The following KCNMA1 variants were observed in gnomAD, a reference collection of about 807,000 sequenced individuals.
KCNMA1 encodes the protein Calcium-activated potassium channel subunit alpha-1.
In KCNMA1, 29 loss-of-function variants were observed where a neutral mutation model predicts 140.0. That is an observed-to-expected ratio of 0.21 (90% CI 0.15 to 0.28). KCNMA1 has a LOEUF of 0.28. Ranked by LOEUF, KCNMA1 falls within the 10% of genes least tolerant of loss-of-function variation. The pLI is 1.00. For missense variants in KCNMA1, 880 were observed against 1,602.2 expected (o/e 0.55, Z 7.70); for synonymous variants, 612 against 611.9 (o/e 1.00, Z 0.00).
intron 20 of KCNMA1, among the ~76,000 whole-genome samples, chr10:76,954,789 T>G (rs1164645443): frequency 6.6e-6 from 1 of 152,204 alleles, no homozygotes; most frequent in African/African-American, 2.4e-5. Context: ...CCTTGTCTAT[T>G]GGTGGAAAAG....
At chr10:77,442,397 A>G (rs114460757) in intron 1 of KCNMA1, among the ~76,000 whole-genome samples, 148 of 151,970 alleles carry the variant, frequency 9.7e-4, no homozygotes, top group African/African-American at 3.6e-3. Flanking sequence ...TACTCCACAC[A>G]TAAGCACTCT....
chr10:77,180,009 G>A (rs1392274538), intron 5 of KCNMA1, among the ~76,000 whole-genome samples: 1 of 152,200 alleles, frequency 6.6e-6, no homozygotes, highest in Non-Finnish European at 1.5e-5. Flanking sequence ...ACACGGTGTG[G>A]GGAGCGTTCT....
chr10:77,535,796 A>C (rs1288888937), intron 1 of KCNMA1, among the ~76,000 whole-genome samples: 2 of 152,260 alleles, frequency 1.3e-5, no homozygotes, highest in Non-Finnish European at 2.9e-5. Context: ...AGGCACAGAA[A>C]GACAAATATG....
chr10:77,179,513 T>C (rs893514432), intron 5 of KCNMA1, among the ~76,000 whole-genome samples: 2 of 152,104 alleles, frequency 1.3e-5, no homozygotes, highest in African/African-American at 4.8e-5. Flanking sequence ...ATAAGATCTC[T>C]TCCCTCTCTT....
At position 77,404,003 on chromosome 10, in the gene KCNMA1, A is replaced by T. The variant is rs767525618; in HGVS notation, c.399T>A (p.Asn133Lys). 13 of 1,614,032 alleles carry T rather than the reference A, an allele frequency of 8.1e-6. No homozygotes were observed. Among genetic ancestry groups the T allele is most frequent in the Non-Finnish European group, 8.5e-6 (10 of 1,180,048 alleles). The change falls in exon 2 of 28, where the codon AAT becomes AAA. Residue 133 changes from asparagine to lysine, a missense_variant. By Grantham distance (94) the Asn-to-Lys change is moderately conservative. Around this residue, in one of 13 missense-constraint regions of KCNMA1, gnomAD observed 54 missense variants for 56.4 expected, o/e 0.96. Transcript: ENST00000286628. Reference sequence around the variant, plus strand: ...GAGTGCCATCCGCCTGGCTTGAGCCATTGTTAATCTTCTGGGCCTCCTGGC... The same window carrying T: ...GAGTGCCATCCGCCTGGCTTGAGCCTTTGTTAATCTTCTGGGCCTCCTGGC... ...GKTKEAQKIN[N>K]GSSQADGTLK... is the part of the protein sequence containing the mutation.
intron 1 of KCNMA1, among the ~76,000 whole-genome samples, chr10:77,598,513 G>A (rs191665947): frequency 8.5e-4 from 129 of 152,318 alleles, no homozygotes; most frequent in African/African-American, 2.7e-3. Context: ...CATGGCATCC[G>A]AGAGCCATCA....
chr10:77,573,156 T>A lies in KCNMA1; in HGVS notation c.378+64109A>T, dbSNP rs139822495. Among the ~76,000 whole-genome samples, 362 of 152,286 alleles carry A rather than the reference T, an allele frequency of 2.4e-3. 8 individuals carry two copies. In the South Asian group the frequency reaches 0.025, roughly 11 times the overall value. The stretch of plus-strand genomic sequence containing the variant: ...ATATCTTATATTTAAATCCATCAGC[T>A]TAAAAGTCCTTCCCACTAAGTCTCA... On this transcript the variant is annotated intron_variant, in intron 1 of 27. Coordinates refer to ENST00000286628, the MANE Select transcript of KCNMA1 (RefSeq NM_001161352.2).
At chr10:77,568,396 C>T (rs1039472393) in intron 1 of KCNMA1, among the ~76,000 whole-genome samples, 15 of 150,368 alleles carry the variant, frequency 1.0e-4, no homozygotes, top group South Asian at 4.2e-4. Context: ...ATGATCAAGT[C>T]GGCTTCATCC....
At chr10:76,974,021 T>C (rs1360913609) in intron 19 of KCNMA1, 2 of 152,870 alleles carry the variant, frequency 1.3e-5, no homozygotes, top group Non-Finnish European at 2.9e-5. Context: ...GTTTATTGGC[T>C]GGAGTTAAAA....
intron 1 of KCNMA1, among the ~76,000 whole-genome samples, chr10:77,414,227 G>A (rs1451043401): frequency 6.6e-6 from 1 of 152,140 alleles, no homozygotes; most frequent in African/African-American, 2.4e-5. Flanking sequence ...TACTTTGCAC[G>A]CACTGTCTCA....
At chr10:77,418,899 G>A (rs537570479) in intron 1 of KCNMA1, among the ~76,000 whole-genome samples, 8 of 152,162 alleles carry the variant, frequency 5.3e-5, no homozygotes, top group Admixed American at 6.5e-5. Flanking sequence ...AGGGGAAGTC[G>A]TTCTTCCCCT....
chr10:76,891,942 A>T (rs1589681219), intron 25 of KCNMA1, among the ~76,000 whole-genome samples: 1 of 152,142 alleles, frequency 6.6e-6, no homozygotes, highest in Admixed American at 6.5e-5. Flanking sequence ...TAAAAAACCC[A>T]GTTCAGGGGA....
chr10:77,404,785 T>C (rs980581767), intron 1 of KCNMA1, among the ~76,000 whole-genome samples: 1 of 152,296 alleles, frequency 6.6e-6, no homozygotes, highest in East Asian at 1.9e-4. Context: ...GGCTCCAACA[T>C]TGGAGTCCTT....
intron 15 of KCNMA1, among the ~76,000 whole-genome samples, chr10:77,033,446 T>TCA (rs1164580762): frequency 2.6e-5 from 4 of 151,460 alleles, no homozygotes; most frequent in South Asian, 2.1e-4. Flanking sequence ...TCTCTCTCTT[T>TCA]CACACACACA....
intron 1 of KCNMA1, among the ~76,000 whole-genome samples, chr10:77,611,736 T>A (rs1276823095): frequency 6.6e-6 from 1 of 152,158 alleles, no homozygotes; most frequent in East Asian, 1.9e-4. Context: ...TCCAATCCTA[T>A]GTCCCTGTAA....
chr10:77,484,734 C>A (rs977811575), intron 1 of KCNMA1, among the ~76,000 whole-genome samples: 13 of 152,222 alleles, frequency 8.5e-5, no homozygotes, highest in African/African-American at 3.1e-4. Context: ...CAAAGAGTCG[C>A]TAAGTCAGTG....
chr10:77,502,622 GA>G (rs2044328684), intron 1 of KCNMA1, among the ~76,000 whole-genome samples: 1 of 152,148 alleles, frequency 6.6e-6, no homozygotes, highest in Non-Finnish European at 1.5e-5. Context: ...GACACCAAGA[GA>G]AGAACTTCAG....
rs376593684 is a variant in KCNMA1, at chr10:76,952,037, C to T, written c.2484+1764G>A. ...TCATAGGATAGAAGTAGTAACTCAC[C>T]TCCTTAAACTTTTTTATGCTGGCAG... On this transcript the variant is annotated intron_variant, in intron 21 of 27. Coordinates refer to ENST00000286628, the MANE Select transcript of KCNMA1 (RefSeq NM_001161352.2). 158 of 1,551,882 alleles carry T rather than the reference C, an allele frequency of 1.0e-4. No individual in the cohort carries two copies. Among genetic ancestry groups the T allele is most frequent in the Admixed American group, 2.0e-4 (10 of 50,980 alleles).
At chr10:77,016,661 GA>G (rs200850394) in intron 17 of KCNMA1, among the ~76,000 whole-genome samples, 313 of 152,254 alleles carry the variant, frequency 2.1e-3, no homozygotes, top group Admixed American at 4.3e-3. Context: ...ACCGTTTTGT[GA>G]CTCCTATATT....
Sources: allele counts gnomAD v4.1 joint callset (sites outside exome capture counted in the v4.1 genomes callset), GRCh38; gene constraint gnomAD v4.1.1; regional missense constraint gnomAD v4.1.1; transcripts MANE v1.5; gene names NCBI Gene and HGNC (gene_info 2026-07-23, HGNC 2026-07-21).